SEL1L3: variants seen among roughly 807,000 people sequenced by gnomAD.
The protein encoded by SEL1L3 is protein sel-1 homolog 3.
SEL1L3 carries 76 observed loss-of-function variants against 142.8 expected under a neutral mutation model. The observed-to-expected ratio is 0.53, with a 90% CI of 0.44 to 0.64. The LOEUF is 0.64. Among genes scored for constraint, SEL1L3 ranks in the 30% least tolerant of loss-of-function variants. The pLI is 0.00. For missense variants in SEL1L3, 1,262 were observed against 1,381.7 expected, an observed-to-expected ratio of 0.91 and a Z score of 1.37; for synonymous variants, 504 against 519.6, an observed-to-expected ratio of 0.97 and a Z score of 0.41.
chr4:25,748,364 C>T lies in SEL1L3; in HGVS notation c.*61G>A. The T allele has an allele frequency of 6.6e-7, 1 of 1,514,654 alleles. No homozygotes were observed. Among genetic ancestry groups the T allele is most frequent in the Non-Finnish European group, 8.9e-7 (1 of 1,118,650 alleles). The allele number at this position is 1,514,654 out of a possible 1,614,324, so 93.8% of individuals were successfully genotyped here. The stretch of plus-strand genomic sequence containing the variant: ...TATCAGGATCATGCCCTGGCCCCAG[C>T]TTCCCAATACCAGCTGTTGAAAAGA... On this transcript the variant is annotated 3_prime_UTR_variant, in exon 24 of 24. Transcript: ENST00000399878.
intron 11 of SEL1L3, among the ~76,000 whole-genome samples, chr4:25,791,761 T>A (rs893310916): frequency 6.6e-6 from 1 of 152,048 alleles, no homozygotes; most frequent in Admixed American, 6.6e-5. Flanking sequence ...TAAAAATACA[T>A]AATTTAATGG....
downstream of SEL1L3, among the ~76,000 whole-genome samples, chr4:25,746,246 G>T (rs1489847059): frequency 6.6e-6 from 1 of 151,878 alleles, no homozygotes; most frequent in African/African-American, 2.4e-5. Flanking sequence ...GGCCAGGCGC[G>T]GTGACTCACG....
At chr4:25,787,359 C>T (rs1411406609) in intron 13 of SEL1L3, among the ~76,000 whole-genome samples, 1 of 152,140 alleles carries the variant, frequency 6.6e-6, no homozygotes, top group African/African-American at 2.4e-5. Flanking sequence ...GTGGCTCTCT[C>T]ACTCAGGCTG....
downstream of SEL1L3, among the ~76,000 whole-genome samples, chr4:25,745,808 T>A (rs1172435930): frequency 6.6e-6 from 1 of 152,240 alleles, no homozygotes; most frequent in African/African-American, 2.4e-5. Context: ...GGTATGCCCT[T>A]GGGCAGATCC....
Position 25,847,823 on chromosome 4 carries a change from T to C in SEL1L3, c.204A>G (p.Thr68=), listed in dbSNP as rs372647436. The C allele has an allele frequency of 1.4e-5, 22 of 1,603,022 alleles. No individual in the cohort carries two copies. The East Asian group carries it at 4.7e-4, about 34-fold the overall frequency. The change falls in exon 2 of 24, where the codon ACA becomes ACG. Residue 68 remains threonine, a synonymous_variant. Coordinates refer to ENST00000399878, the MANE Select transcript of SEL1L3 (RefSeq NM_015187.5). The part of the protein sequence containing the change: ...PSLGRQTSLT[T]SVIPKAEQSV... ...TCTGCTCAGCTTTGGGTATCACTGA[T>C]GTCGTCAGGGAAGTCTGCCTACCCA...
intron 9 of SEL1L3, among the ~76,000 whole-genome samples, chr4:25,813,128 C>T (rs1416493220): frequency 6.6e-6 from 1 of 152,214 alleles, no homozygotes; most frequent in Non-Finnish European, 1.5e-5. Flanking sequence ...CTGTGGAAGA[C>T]AGCATGGAGG....
At chr4:25,772,533 C>T (rs1458072909) in intron 17 of SEL1L3, among the ~76,000 whole-genome samples, 5 of 151,118 alleles carry the variant, frequency 3.3e-5, no homozygotes, top group Non-Finnish European at 7.4e-5. Context: ...ATAAAAAATG[C>T]TCATGGCCGC....
At chr4:25,792,828 T>G (rs1313435781) in intron 11 of SEL1L3, among the ~76,000 whole-genome samples, 1 of 152,238 alleles carries the variant, frequency 6.6e-6, no homozygotes. Context: ...CAGTCTGATA[T>G]GGAAGGTGCT....
intron 4 of SEL1L3, 142 bp from the exon 5 acceptor site, chr4:25,833,252 G>A (rs538830273): frequency 1.4e-6 from 1 of 705,978 alleles, no homozygotes; most frequent in Non-Finnish European, 2.4e-6. Flanking sequence ...ATTTATAAAT[G>A]CATTTCTTTG....
At chr4:25,794,034 C>T (rs776890245) in intron 11 of SEL1L3, among the ~76,000 whole-genome samples, 7 of 152,106 alleles carry the variant, frequency 4.6e-5, no homozygotes, top group Non-Finnish European at 1.0e-4. Context: ...TCAAGATGGA[C>T]TAAATACTTA....
At chr4:25,859,039 C>T (rs1288659864) in intron 1 of SEL1L3, among the ~76,000 whole-genome samples, 1 of 152,162 alleles carries the variant, frequency 6.6e-6, no homozygotes, top group Non-Finnish European at 1.5e-5. Flanking sequence ...CTTTGGAGAC[C>T]AGAGCTTAGA....
intron 6 of SEL1L3, among the ~76,000 whole-genome samples, chr4:25,823,362 A>T (rs753549330): frequency 7.2e-5 from 11 of 152,074 alleles, no homozygotes; most frequent in Non-Finnish European, 1.2e-4. Context: ...TAAAAATATA[A>T]AAATTAGCCA....
intron 3 of SEL1L3, 150 bp downstream of exon 3, chr4:25,835,047 A>T: frequency 1.1e-6 from 1 of 904,592 alleles, no homozygotes; most frequent in Admixed American, 2.4e-5. Context: ...AGGTCCACCA[A>T]TTCTGTCTAA....
chr4:25,794,737 T>C (rs1229719311), intron 11 of SEL1L3, among the ~76,000 whole-genome samples: 1 of 152,216 alleles, frequency 6.6e-6, no homozygotes, highest in African/African-American at 2.4e-5. Context: ...GGAATATAAA[T>C]CATTCTATTA....
Position 25,784,251 on chromosome 4 carries a change from G to C in SEL1L3, c.2257C>G (p.Leu753Val). The C allele has an allele frequency of 6.2e-7, 1 of 1,613,576 alleles. No homozygotes were observed. Among genetic ancestry groups the C allele is most frequent in the Non-Finnish European group, 8.5e-7 (1 of 1,179,586 alleles). The change falls in exon 14 of 24, where the codon CTG (leucine) becomes GTG (valine). Residue 753 changes from leucine to valine, a missense_variant. Physicochemically the swap from Leu to Val is conservative, Grantham distance 32. Transcript: ENST00000399878. ...ACCTTGGAAGCTGCTTTCTTCATCA[G>C]CTCTAAGGCAAGCCGTCTGTTCTTT... Reference protein sequence around the residue: ...VKKNRRLALELMKKAASKGLH... With the variant: ...VKKNRRLALEVMKKAASKGLH...
chr4:25,852,711 G>A (rs867249561), intron 1 of SEL1L3, among the ~76,000 whole-genome samples: 2 of 152,212 alleles, frequency 1.3e-5, no homozygotes, highest in African/African-American at 4.8e-5. Context: ...ATGCAGAGGT[G>A]TATTAAATAT....
chr4:25,840,345 A>G (rs191122449), intron 2 of SEL1L3, among the ~76,000 whole-genome samples: 21 of 152,324 alleles, frequency 1.4e-4, no homozygotes, highest in African/African-American at 4.1e-4. Flanking sequence ...TATAACTACT[A>G]AAAGTACTAT....
chr4:25,767,467 G>T, intron 19 of SEL1L3, 58 bp downstream of exon 19: 1 of 870,094 alleles, frequency 1.1e-6, no homozygotes, highest in South Asian at 1.5e-5. Context: ...GATGTTCCCT[G>T]TTACTAAAGA....
At chr4:25,752,095 T>A (rs1577550819) in intron 23 of SEL1L3, among the ~76,000 whole-genome samples, 2 of 124,548 alleles carry the variant, frequency 1.6e-5, no homozygotes, top group South Asian at 2.4e-4. Flanking sequence ...GGCGACAGAG[T>A]AAGACTCCAT....
Sources: gnomAD v4.1 joint callset for allele counts (sites outside exome capture counted in the v4.1 genomes callset) on GRCh38, gnomAD v4.1.1 for gene constraint, MANE v1.5 for transcripts, NCBI Gene and HGNC (gene_info 2026-07-23, HGNC 2026-07-21) for gene names.